Variants in GABRG3 observed in about 807,000 individuals in gnomAD.
The protein encoded by GABRG3 is gamma-aminobutyric acid type A receptor subunit gamma3.
GABRG3 carries 25 observed loss-of-function variants against 48.8 expected under a neutral mutation model. The ratio of observed to expected loss-of-function variants is 0.51; its 90% CI spans 0.37 to 0.72. The LOEUF is 0.72. Ranked by LOEUF, GABRG3 falls within the 30% of genes least tolerant of loss-of-function variation. The probability of loss-of-function intolerance (pLI) is 0.00; values close to 1 mark genes in which losing one functional copy is unlikely to be tolerated. For synonymous variants in GABRG3, 227 were observed against 217.6 expected (o/e 1.04, Z -0.38); for missense variants, 394 against 577.9 (o/e 0.68, Z 3.26).
intron 3 of GABRG3, among the ~76,000 whole-genome samples, chr15:27,232,570 G>A (rs1258613740): frequency 6.6e-6 from 1 of 152,156 alleles, no homozygotes; most frequent in African/African-American, 2.4e-5. Context: ...GTAAATTGGG[G>A]CAGCTGTTCT....
chr15:27,507,516 TAATA>T (rs576105528), intron 6 of GABRG3, among the ~76,000 whole-genome samples: 18 of 151,848 alleles, frequency 1.2e-4, no homozygotes, highest in Admixed American at 2.6e-4. Context: ...AAAATAAAAA[TAATA>T]AATAAATAAA....
intron 3 of GABRG3, among the ~76,000 whole-genome samples, chr15:27,133,582 A>T (rs184413134): frequency 6.6e-6 from 1 of 152,186 alleles, no homozygotes; most frequent in Non-Finnish European, 1.5e-5. Flanking sequence ...ACATGTTTTT[A>T]TACTGACAAA....
At chr15:27,482,801 A>T (rs532045281) in intron 6 of GABRG3, among the ~76,000 whole-genome samples, 1 of 152,348 alleles carries the variant, frequency 6.6e-6, no homozygotes, top group East Asian at 1.9e-4. Flanking sequence ...GGGAAACCTC[A>T]GAATCAGGAG....
At chr15:27,133,102 G>T (rs1785123098) in intron 3 of GABRG3, among the ~76,000 whole-genome samples, 1 of 151,678 alleles carries the variant, frequency 6.6e-6, no homozygotes, top group African/African-American at 2.4e-5. Context: ...CCACATATTT[G>T]TGATTTTTTA....
At chr15:27,188,472 G>T (rs1888175084) in intron 3 of GABRG3, among the ~76,000 whole-genome samples, 1 of 152,080 alleles carries the variant, frequency 6.6e-6, no homozygotes, top group South Asian at 2.1e-4. Context: ...TTTCTCTGAT[G>T]GCCAGTGATG....
intron 5 of GABRG3, among the ~76,000 whole-genome samples, chr15:27,429,745 C>T (rs769711750): frequency 3.3e-5 from 5 of 152,126 alleles, no homozygotes; most frequent in East Asian, 1.9e-4. Flanking sequence ...ATATTAGTAC[C>T]GCATTCCTTT....
At chr15:27,058,249 C>T (rs145780485) in intron 3 of GABRG3, among the ~76,000 whole-genome samples, 3 of 152,304 alleles carry the variant, frequency 2.0e-5, no homozygotes, top group African/African-American at 7.2e-5. Flanking sequence ...TCCAGGTGTT[C>T]CCATTTACGG....
At chr15:27,309,525 C>A (rs1213724318) in intron 3 of GABRG3, among the ~76,000 whole-genome samples, 3 of 151,896 alleles carry the variant, frequency 2.0e-5, no homozygotes, top group Non-Finnish European at 4.4e-5. Context: ...ACAAACACTT[C>A]ACCAAAGAGG....
chr15:27,198,732 A>G (rs759480732), intron 3 of GABRG3, among the ~76,000 whole-genome samples: 4 of 152,220 alleles, frequency 2.6e-5, no homozygotes, highest in African/African-American at 7.2e-5. Context: ...GATAGCAAAG[A>G]CTTGGAACCA....
intron 5 of GABRG3, among the ~76,000 whole-genome samples, chr15:27,473,636 AAAG>A (rs1296668023): frequency 1.3e-5 from 2 of 152,218 alleles, no homozygotes; most frequent in African/African-American, 4.8e-5. Context: ...ATTTAAGAAA[AAAG>A]AAGTGGCTTT....
chr15:27,518,447 G>A (rs2311062), intron 6 of GABRG3, among the ~76,000 whole-genome samples: 95,959 of 151,352 alleles, frequency 0.63, 31,858 homozygotes, highest in African/African-American at 0.84. Flanking sequence ...GTTAGCCAAC[G>A]TTGGTAAACA....
At position 27,090,540 on chromosome 15, in the gene GABRG3, A is replaced by G. The variant is rs536320130; in HGVS notation, c.270+63719A>G. Among the ~76,000 whole-genome samples the G allele has an allele frequency of 1.1e-4, 17 of 152,278 alleles. No homozygotes were observed. The East Asian group carries it at 1.3e-3, about 12-fold the overall frequency. ...GGGTTCCAATTCCTCCACATCCTCT[A>G]CAACACTTATTTTATTTTAGTTTCA... On this transcript the variant is annotated intron_variant, in intron 3 of 9. Coordinates refer to ENST00000615808, the MANE Select transcript of GABRG3 (RefSeq NM_033223.5).
At chr15:27,491,606 G>A (rs1340812964) in intron 6 of GABRG3, among the ~76,000 whole-genome samples, 12 of 152,108 alleles carry the variant, frequency 7.9e-5, no homozygotes, top group East Asian at 3.9e-4. Flanking sequence ...CTGATTGGCC[G>A]TAAGACCAGT....
intron 5 of GABRG3, among the ~76,000 whole-genome samples, chr15:27,472,098 T>C (rs1226549722): frequency 6.6e-6 from 1 of 152,238 alleles, no homozygotes; most frequent in African/African-American, 2.4e-5. Context: ...AGTGTGTCTT[T>C]ACATTTTTTT....
At chr15:27,346,991 T>G (rs1894396735) in intron 5 of GABRG3, among the ~76,000 whole-genome samples, 1 of 141,936 alleles carries the variant, frequency 7.0e-6, no homozygotes, top group Admixed American at 7.5e-5. Context: ...TGTTTGTTTC[T>G]TTTTGTCTTT....
chr15:27,455,493 C>CTG (rs55645913), intron 5 of GABRG3, among the ~76,000 whole-genome samples: 6 of 140,566 alleles, frequency 4.3e-5, no homozygotes, highest in East Asian at 2.1e-4. Context: ...GATATGTGTG[C>CTG]TGTGTGTGTG....
intron 3 of GABRG3, among the ~76,000 whole-genome samples, chr15:27,201,382 G>A (rs1043882299): frequency 1.3e-5 from 2 of 151,100 alleles, no homozygotes; most frequent in Non-Finnish European, 3.0e-5. Context: ...GAGAGAGAAA[G>A]AGAGAGAGAA....
rs1292312496 is a variant in GABRG3, at chr15:27,308,161, A to G, written c.271-18648A>G. 2.3e-5 allele frequency among the ~76,000 whole-genome samples: 2 copies of G among 86,104 alleles called. 1 individual carries two copies. Among genetic ancestry groups the G allele is most frequent in the Admixed American group, 2.2e-4 (2 of 9,132 alleles). 56.5% of individuals were successfully genotyped at this position (86,104 alleles called of 152,430 possible). ...ATGTTTATACATCCAAACATATATA[A>G]ACATATATGTTTATATATCCAAACA... On this transcript the variant is annotated intron_variant, in intron 3 of 9. Coordinates refer to ENST00000615808, the MANE Select transcript of GABRG3 (RefSeq NM_033223.5).
chr15:27,497,146 T>G (rs1251446886), intron 6 of GABRG3, among the ~76,000 whole-genome samples: 1 of 152,168 alleles, frequency 6.6e-6, no homozygotes, highest in East Asian at 1.9e-4. Flanking sequence ...ACATTATTAG[T>G]TTTTCATTGT....
Sources: allele counts gnomAD v4.1 joint callset (sites outside exome capture counted in the v4.1 genomes callset), GRCh38; gene constraint gnomAD v4.1.1; transcripts MANE v1.5; gene names NCBI Gene and HGNC (gene_info 2026-07-23, HGNC 2026-07-21).